The following FANCB variants were observed in gnomAD, a reference collection of about 807,000 sequenced individuals.
The protein encoded by FANCB is FA complementation group B, also known as Fanconi anemia group B protein.
FANCB carries 5 observed loss-of-function variants against 38.9 expected under a neutral mutation model. The ratio of observed to expected loss-of-function variants is 0.13; its 90% CI spans 0.07 to 0.27. The LOEUF (loss-of-function observed/expected upper bound fraction) is 0.27. Ranked by LOEUF, FANCB falls within the 10% of genes least tolerant of loss-of-function variation. The pLI, the probability that FANCB is intolerant of heterozygous loss-of-function variation, is 1.00. For synonymous variants in FANCB, 236 were observed against 215.4 expected, an observed-to-expected ratio of 1.10 and a Z score of -0.84; for missense variants, 573 against 602.7, an observed-to-expected ratio of 0.95 and a Z score of 0.52.
At chrX:14,848,186 T>A (rs138690007) in intron 7 of FANCB, among the ~76,000 whole-genome samples, 5 of 111,767 alleles carry the variant, frequency 4.5e-5, no homozygotes, top group Non-Finnish European at 9.4e-5. Flanking sequence ...ATGCTCCTGA[T>A]TATTGTAAAT....
At chrX:14,851,215 TACA>T (rs1259065190) in intron 6 of FANCB, among the ~76,000 whole-genome samples, 1 of 112,176 alleles carries the variant, frequency 8.9e-6, no homozygotes, top group Non-Finnish European at 1.9e-5. Context: ...AATAATAATA[TACA>T]ACATCTATTG....
the FANCB span, among the ~76,000 whole-genome samples, chrX:14,819,019 C>T: frequency 8.9e-6 from 1 of 112,479 alleles, no homozygotes; most frequent in Admixed American, 9.4e-5. Flanking sequence ...CATTAATATT[C>T]AAATCCACAC....
chrX:14,738,945 A>G, the FANCB span, among the ~76,000 whole-genome samples: 14 of 112,250 alleles, frequency 1.2e-4, no homozygotes, highest in Non-Finnish European at 2.4e-4. Context: ...ACAAAATTCC[A>G]TATCATATGA....
chrX:14,788,108 T>A, the FANCB span, among the ~76,000 whole-genome samples: 1 of 107,932 alleles, frequency 9.3e-6, no homozygotes, highest in Admixed American at 1.0e-4. Flanking sequence ...CTCAGGCAGC[T>A]GTAGAAATGT....
the FANCB span, chrX:14,690,924 G>T: frequency 2.8e-6 from 3 of 1,086,374 alleles, no homozygotes; most frequent in Non-Finnish European, 2.5e-6. Context: ...ATGTAATTCA[G>T]AAAACAGAAG....
At chrX:14,760,885 C>G in the FANCB span, among the ~76,000 whole-genome samples, 1,554 of 111,233 alleles carry the variant, frequency 0.014, 26 homozygotes, top group African/African-American at 0.041. Flanking sequence ...GCAGGAGAAT[C>G]ACTTGAACCC....
At chrX:14,788,044 G>C in the FANCB span, among the ~76,000 whole-genome samples, 23 of 106,758 alleles carry the variant, frequency 2.2e-4, no homozygotes, top group African/African-American at 7.9e-4. Flanking sequence ...AATCTGGCTA[G>C]ACTGTGTCAG....
chrX:14,717,042 C>A, the FANCB span, among the ~76,000 whole-genome samples: 1 of 111,287 alleles, frequency 9.0e-6, no homozygotes, highest in African/African-American at 3.3e-5. Context: ...AAAAAAGCAA[C>A]AACAAATCTG....
chrX:14,730,891 TACACACAC>T, the FANCB span: 2,855 of 97,694 alleles, frequency 0.029, 87 homozygotes, highest in East Asian at 0.051. Context: ...AAGTTAGCTA[TACACACAC>T]ACACACACAC....
At chrX:14,794,778 T>C in the FANCB span, among the ~76,000 whole-genome samples, 2 of 111,925 alleles carry the variant, frequency 1.8e-5, no homozygotes, top group Non-Finnish European at 3.8e-5. Context: ...AAAAAGTCTG[T>C]AGAGTGGGGA....
At chrX:14,790,294 C>T in the FANCB span, among the ~76,000 whole-genome samples, 1 of 112,059 alleles carries the variant, frequency 8.9e-6, no homozygotes, top group Non-Finnish European at 1.9e-5. Flanking sequence ...AAAGGAACAA[C>T]AAATATTTCA....
the FANCB span, among the ~76,000 whole-genome samples, chrX:14,743,775 G>A: frequency 9.0e-6 from 1 of 110,954 alleles, no homozygotes; most frequent in Non-Finnish European, 1.9e-5. Context: ...AAAGTCTCTG[G>A]AAAAGAACTC....
chrX:14,743,116 A>C, the FANCB span, among the ~76,000 whole-genome samples: 3 of 112,001 alleles, frequency 2.7e-5, no homozygotes, highest in Admixed American at 2.8e-4. Context: ...CATCAAAACC[A>C]TAAGTAGCAA....
At chrX:14,813,234 C>A in the FANCB span, among the ~76,000 whole-genome samples, 1 of 106,996 alleles carries the variant, frequency 9.3e-6, no homozygotes, top group Non-Finnish European at 1.9e-5. Context: ...AAACTGGAAG[C>A]ATTCCCTTTG....
chrX:14,808,455 A>AT, the FANCB span, among the ~76,000 whole-genome samples: 1 of 112,266 alleles, frequency 8.9e-6, no homozygotes, highest in Non-Finnish European at 1.9e-5. Flanking sequence ...AGAATGAAGA[A>AT]TAAAAACCAT....
chrX:14,753,384 C>T, the FANCB span, among the ~76,000 whole-genome samples: 1 of 112,388 alleles, frequency 8.9e-6, no homozygotes, highest in Non-Finnish European at 1.9e-5. Flanking sequence ...ATTATTTTTA[C>T]AATAGAATTA....
intron 7 of FANCB, among the ~76,000 whole-genome samples, chrX:14,848,183 T>C (rs773355722): frequency 5.8e-4 from 65 of 112,011 alleles, no homozygotes; most frequent in African/African-American, 2.1e-3. Flanking sequence ...GAAATGCTCC[T>C]GATTATTGTA....
the FANCB span, among the ~76,000 whole-genome samples, chrX:14,794,185 G>C: frequency 9.0e-6 from 1 of 111,682 alleles, no homozygotes; most frequent in African/African-American, 3.2e-5. Context: ...TAGATGTGGA[G>C]AGGAGGAGAG....
chrX:14,824,963 G>A, the FANCB span, among the ~76,000 whole-genome samples: 9 of 111,910 alleles, frequency 8.0e-5, no homozygotes, highest in African/African-American at 2.6e-4. Flanking sequence ...TGTCTTTATC[G>A]TTTCCTTATT....
Sources: allele counts gnomAD v4.1 joint callset (sites outside exome capture counted in the v4.1 genomes callset), GRCh38; gene constraint gnomAD v4.1.1; transcripts MANE v1.5; gene names NCBI Gene and HGNC (gene_info 2026-07-23, HGNC 2026-07-21).